The following RMI1 variants were observed in gnomAD, a reference collection of about 807,000 sequenced individuals.
RMI1 encodes the protein RecQ mediated genome instability 1.
Under a neutral mutation model 46.7 loss-of-function variants are expected in RMI1, and 36 were observed. The observed-to-expected ratio is 0.77, with a 90% confidence interval of 0.59 to 1.02. The LOEUF (loss-of-function observed/expected upper bound fraction) is 1.02, where lower values mean the gene tolerates loss of function less well. Ranked by LOEUF, RMI1 falls within the 50% of genes least tolerant of loss-of-function variation. The pLI, the probability that RMI1 is intolerant of heterozygous loss-of-function variation, is 0.00. For missense variants in RMI1, 676 were observed against 713.7 expected (o/e 0.95, Z 0.60); for synonymous variants, 250 against 252.9 (o/e 0.99, Z 0.11).
intron 1 of RMI1, among the ~76,000 whole-genome samples, chr9:83,998,276 C>A (rs959483199): frequency 6.6e-6 from 1 of 152,138 alleles, no homozygotes; most frequent in African/African-American, 2.4e-5. Flanking sequence ...TGTTTATACT[C>A]TCATTTTCTT....
At chr9:83,997,108 CTTTT>C (rs35796088) in intron 1 of RMI1, among the ~76,000 whole-genome samples, 2 of 60,312 alleles carry the variant, frequency 3.3e-5, no homozygotes, top group Non-Finnish European at 5.5e-5. Context: ...ACACCCCCCC[CTTTT>C]TTTTTTTTTT....
At chr9:83,993,618 A>G (rs564002947) in intron 1 of RMI1, among the ~76,000 whole-genome samples, 33 of 151,990 alleles carry the variant, frequency 2.2e-4, no homozygotes, top group Non-Finnish European at 3.4e-4. Flanking sequence ...AGGGGTTTCA[A>G]TTTTCCCACA....
chr9:83,987,800 C>T (rs2133106032), intron 1 of RMI1, among the ~76,000 whole-genome samples: 1 of 152,224 alleles, frequency 6.6e-6, no homozygotes, highest in Non-Finnish European at 1.5e-5. Flanking sequence ...TTCCTTGTGT[C>T]CATAATTTAT....
chr9:84,000,219 T>C (rs1957717950), intron 2 of RMI1, among the ~76,000 whole-genome samples: 1 of 152,222 alleles, frequency 6.6e-6, no homozygotes. Context: ...AATTATAATA[T>C]ATTATACAGT....
Position 84,002,783 on chromosome 9 carries a change from CT to C in RMI1, c.1799del (p.Leu600CysfsTer20). On this transcript the variant is annotated frameshift_variant, in exon 3 of 3. Coordinates refer to ENST00000445877, the MANE Select transcript of RMI1 (RefSeq NM_001358291.2). LOFTEE classifies it high-confidence loss of function. ...CLMTISFNPS[L>X]SKAMVLALQD... ...TAATGACTATTTCATTTAATCCTTC[CT>C]TGTCTAAAGCAATGGTACTGGCATT... 1 of 1,612,222 alleles carries C rather than the reference CT, an allele frequency of 6.2e-7. No individual in the cohort carries two copies. The highest frequency in any genetic ancestry group is 8.5e-7 in the Non-Finnish European group (1 of 1,178,482).
intron 1 of RMI1, among the ~76,000 whole-genome samples, chr9:83,991,690 C>T (rs1957576485): frequency 6.6e-6 from 1 of 152,164 alleles, no homozygotes; most frequent in African/African-American, 2.4e-5. Flanking sequence ...TTTTCTTATA[C>T]ATATTTTGTA....
chr9:83,991,743 AT>A (rs1368651518), intron 1 of RMI1, among the ~76,000 whole-genome samples: 2 of 152,126 alleles, frequency 1.3e-5, no homozygotes, highest in Admixed American at 6.5e-5. Flanking sequence ...TTTTGAGGTA[AT>A]TTTTATTTGT....
chr9:83,987,465 A>G (rs1957508130), intron 1 of RMI1, among the ~76,000 whole-genome samples: 1 of 152,166 alleles, frequency 6.6e-6, no homozygotes, highest in Admixed American at 6.5e-5. Flanking sequence ...TTACATTTCT[A>G]TTCTTTTGGT....
rs1367980284 is a variant in RMI1 at position 84,001,848 on chromosome 9, G to A, written c.862G>A (p.Glu288Lys). The change falls in exon 3 of 3, where the codon GAA becomes AAA. Residue 288 changes from glutamate (E) to lysine (K), a missense_variant. By Grantham distance (56) the Glu-to-Lys change is moderately conservative. Transcript: ENST00000445877. The stretch of plus-strand genomic sequence containing the variant: ...CACAAGACAGTCAAGTTTTGAGCCA[G>A]AATTTGTTATTTCTCCAAGACCAAA... ...IPTRQSSFEPEFVISPRPKEE... is the reference protein window; with the variant it reads ...IPTRQSSFEPKFVISPRPKEE... The A allele has an allele frequency of 6.2e-7, 1 of 1,613,914 alleles. No individual in the cohort carries two copies. The highest frequency in any genetic ancestry group is 1.7e-5 in the Admixed American group (1 of 60,000).
In RMI1 at chr9:84,004,000, T is replaced by A. The variant is rs1193280111; in HGVS notation, c.*1136T>A. 1 of 160,770 alleles carries A rather than the reference T, an allele frequency of 6.2e-6. No individual in the cohort carries two copies. 10.0% of individuals were successfully genotyped at this position (160,770 alleles called of 1,614,324 possible). A position where few individuals can be genotyped will look rare whatever the true frequency, so the allele number is the denominator to read the frequency against. On this transcript the variant is annotated 3_prime_UTR_variant, in exon 3 of 3. Coordinates refer to ENST00000445877, the MANE Select transcript of RMI1 (RefSeq NM_001358291.2). The stretch of plus-strand genomic sequence containing the variant: ...TGTATTTGAAAGGTAATGTTGTTTT[T>A]ATTAATCTTTTGTCTTAAAATAATT...
chr9:83,998,044 A>T (rs1464775265), intron 1 of RMI1, among the ~76,000 whole-genome samples: 1 of 151,990 alleles, frequency 6.6e-6, no homozygotes, highest in Non-Finnish European at 1.5e-5. Context: ...TGATCCTCCC[A>T]CCTTGGCCTC....
At chr9:83,993,561 G>C (rs1957604666) in intron 1 of RMI1, among the ~76,000 whole-genome samples, 1 of 152,086 alleles carries the variant, frequency 6.6e-6, no homozygotes, top group Non-Finnish European at 1.5e-5. Flanking sequence ...GCTCTATACT[G>C]TTTTCCATAG....
intron 1 of RMI1, among the ~76,000 whole-genome samples, chr9:83,982,081 C>T (rs1957416695): frequency 6.6e-6 from 1 of 152,152 alleles, no homozygotes; most frequent in Admixed American, 6.5e-5. Context: ...ACTCGCATTT[C>T]AGTTCTAAAA....
chr9:84,000,306 A>C (rs1336409875), intron 2 of RMI1, among the ~76,000 whole-genome samples: 1 of 152,196 alleles, frequency 6.6e-6, no homozygotes, highest in Non-Finnish European at 1.5e-5. Flanking sequence ...AATATTTAGC[A>C]GAAAATTCCA....
chr9:83,985,924 G>A (rs953302762), intron 1 of RMI1, among the ~76,000 whole-genome samples: 8 of 152,144 alleles, frequency 5.3e-5, no homozygotes, highest in African/African-American at 1.7e-4. Flanking sequence ...CAGGAGAATG[G>A]CAGGAACCCG....
chr9:84,002,851 G>A lies in RMI1; in HGVS notation c.1865G>A (p.Arg622Gln), dbSNP rs201916287. 57 of 1,512,336 alleles carry A rather than the reference G, an allele frequency of 3.8e-5. No individual in the cohort carries two copies. The highest frequency in any genetic ancestry group is 2.1e-4 in the Middle Eastern group (1 of 4,664). The allele number at this position is 1,512,336 out of a possible 1,614,324, so 93.7% of individuals were successfully genotyped here. Residue 622 changes from arginine to glutamine, a missense_variant, in exon 3 of 3, where the codon CGG becomes CAG. Coordinates refer to ENST00000445877, the MANE Select transcript of RMI1 (RefSeq NM_001358291.2). ...NMEHLENLKKRLNK is the reference protein window; with the variant it reads ...NMEHLENLKKQLNK ...GAACACCTTGAGAATCTAAAGAAGC[G>A]GTTAAATAAATAATTAAACTAAAAT... is the stretch of plus-strand genomic sequence containing the variant.
chr9:83,981,091 A>G (rs1370211590), intron 1 of RMI1, 200 bp downstream of exon 1: 2 of 152,202 alleles, frequency 1.3e-5, no homozygotes, highest in Non-Finnish European at 2.9e-5. Context: ...CCGTCAGTCA[A>G]GGCCGGGCCC....
chr9:83,996,346 A>T (rs1957653323), intron 1 of RMI1, among the ~76,000 whole-genome samples: 1 of 152,226 alleles, frequency 6.6e-6, no homozygotes, highest in African/African-American at 2.4e-5. Flanking sequence ...CAGTTCCAGC[A>T]AGGAGTCTGT....
At chr9:83,997,105 C>T (rs1588469541) in intron 1 of RMI1, among the ~76,000 whole-genome samples, 1 of 97,372 alleles carries the variant, frequency 1.0e-5, no homozygotes, top group Non-Finnish European at 2.2e-5. Context: ...CCAACACCCC[C>T]CCCTTTTTTT....
Sources: gnomAD v4.1 joint callset for allele counts (sites outside exome capture counted in the v4.1 genomes callset) on GRCh38, gnomAD v4.1.1 for gene constraint, MANE v1.5 for transcripts, NCBI Gene and HGNC (gene_info 2026-07-23, HGNC 2026-07-21) for gene names.